Variants in TF observed in about 807,000 individuals in gnomAD.
TF encodes serotransferrin.
TF carries 55 observed loss-of-function variants against 82.4 expected under a neutral mutation model. That is an observed-to-expected ratio of 0.67 (90% CI 0.54 to 0.84). The LOEUF is 0.84. Among genes scored for constraint, TF ranks in the 40% least tolerant of loss-of-function variants. TF has a pLI of 0.00. For missense variants in TF, 737 were observed against 868.4 expected, an observed-to-expected ratio of 0.85 and a Z score of 1.90; for synonymous variants, 332 against 332.6, an observed-to-expected ratio of 1.00 and a Z score of 0.02.
chr3:133,721,907 T>C, the TF span, among the ~76,000 whole-genome samples: 1 of 152,162 alleles, frequency 6.6e-6, no homozygotes, highest in Non-Finnish European at 1.5e-5. Flanking sequence ...CGAGACAGGG[T>C]CTGGCTGTGT....
chr3:133,750,573 C>T (rs1463843394), intron 2 of TF, among the ~76,000 whole-genome samples: 1 of 152,048 alleles, frequency 6.6e-6, no homozygotes, highest in Non-Finnish European at 1.5e-5. Context: ...ATAATCCTGT[C>T]CCTCCCAGCT....
the TF span, among the ~76,000 whole-genome samples, chr3:133,729,518 A>C: frequency 6.6e-6 from 1 of 152,224 alleles, no homozygotes; most frequent in African/African-American, 2.4e-5. Context: ...GGAAAAGCGC[A>C]GTATTCGGGT....
intron 6 of TF, 115 bp downstream of exon 6, chr3:133,756,452 C>T: frequency 1.6e-6 from 2 of 1,231,916 alleles, no homozygotes; most frequent in South Asian, 2.6e-5. Flanking sequence ...TCTCCTTTAT[C>T]ATTGCCTGGG....
At chr3:133,728,387 T>G in the TF span, among the ~76,000 whole-genome samples, 88,729 of 151,448 alleles carry the variant, frequency 0.59, 26,539 homozygotes, top group East Asian at 0.76. Context: ...TTCCCTTCTC[T>G]CTTCATTTCA....
intron 13 of TF, among the ~76,000 whole-genome samples, chr3:133,769,978 C>T (rs777509074): frequency 1.3e-5 from 2 of 152,168 alleles, no homozygotes; most frequent in Non-Finnish European, 2.9e-5. Context: ...AGTCAGGTGC[C>T]TTTATGCCAT....
chr3:133,718,375 G>A, the TF span, among the ~76,000 whole-genome samples: 3 of 152,076 alleles, frequency 2.0e-5, no homozygotes, highest in African/African-American at 7.2e-5. Context: ...TCCCTCCTCT[G>A]TACCTGGACG....
chr3:133,726,940 T>G, the TF span, among the ~76,000 whole-genome samples: 1 of 152,188 alleles, frequency 6.6e-6, no homozygotes, highest in Non-Finnish European at 1.5e-5. Context: ...AGGAGCAGGT[T>G]GTTCAGTTTC....
chr3:133,718,429 G>C, the TF span, among the ~76,000 whole-genome samples: 2 of 152,098 alleles, frequency 1.3e-5, no homozygotes, highest in Non-Finnish European at 2.9e-5. Flanking sequence ...ATCTGTTGGA[G>C]GGATGCTGAG....
At chr3:133,724,507 G>GT in the TF span, among the ~76,000 whole-genome samples, 2 of 152,028 alleles carry the variant, frequency 1.3e-5, no homozygotes, top group East Asian at 1.9e-4. Flanking sequence ...GGGTTGTTTG[G>GT]TTTTTTCTTG....
chr3:133,703,071 C>A, the TF span, among the ~76,000 whole-genome samples: 1 of 152,150 alleles, frequency 6.6e-6, no homozygotes, highest in African/African-American at 2.4e-5. Context: ...ATGTTAGCCT[C>A]CATTTAACCA....
intron 14 of TF, among the ~76,000 whole-genome samples, chr3:133,771,546 G>A (rs1934257057): frequency 2.0e-5 from 3 of 151,582 alleles, no homozygotes; most frequent in African/African-American, 2.4e-5. Context: ...GACCATCCTG[G>A]CCAACAAGGT....
intron 13 of TF, 150 bp downstream of exon 13, chr3:133,768,314 G>A: frequency 9.0e-7 from 1 of 1,106,456 alleles, no homozygotes; most frequent in East Asian, 2.6e-5. Context: ...AGAGCCACAT[G>A]GGGAGGGGCA....
intron 14 of TF, chr3:133,774,582 G>T (rs1281002995): frequency 6.5e-6 from 1 of 152,718 alleles, no homozygotes; most frequent in Non-Finnish European, 1.5e-5. Context: ...ATGAGCCGTG[G>T]ATGGAAACTC....
At chr3:133,778,428 C>A in intron 16 of TF, 158 bp from the exon 17 acceptor site, 2 of 691,622 alleles carry the variant, frequency 2.9e-6, no homozygotes, top group Middle Eastern at 2.6e-4. Flanking sequence ...GCTGTGCAGG[C>A]AAGTAGAAAA....
the TF span, among the ~76,000 whole-genome samples, chr3:133,687,704 C>G: frequency 6.6e-6 from 1 of 152,168 alleles, no homozygotes; most frequent in African/African-American, 2.4e-5. Flanking sequence ...GTGTCTGGCT[C>G]CTTTCACTCA....
At chr3:133,767,379 C>A (rs867485369) in intron 12 of TF, among the ~76,000 whole-genome samples, 35 of 152,334 alleles carry the variant, frequency 2.3e-4, no homozygotes, top group Middle Eastern at 6.8e-3. Flanking sequence ...GAAAAGGCCT[C>A]TAAATCTGGT....
the TF span, among the ~76,000 whole-genome samples, chr3:133,736,581 T>C: frequency 2.1e-5 from 2 of 93,144 alleles, no homozygotes; most frequent in African/African-American, 4.3e-5. Context: ...AAGACACACA[T>C]AGGCTCAAAA....
intron 2 of TF, among the ~76,000 whole-genome samples, chr3:133,750,001 T>C (rs908194097): frequency 1.3e-5 from 2 of 152,170 alleles, no homozygotes; most frequent in African/African-American, 4.8e-5. Context: ...GACTCTATTC[T>C]CCCGCAGAGA....
the TF span, among the ~76,000 whole-genome samples, chr3:133,686,655 T>C: frequency 6.6e-6 from 1 of 152,140 alleles, no homozygotes; most frequent in East Asian, 1.9e-4. Flanking sequence ...TGAGATACCA[T>C]CTCACACCAG....
Sources: gnomAD v4.1 joint callset for allele counts (sites outside exome capture counted in the v4.1 genomes callset) on GRCh38, gnomAD v4.1.1 for gene constraint, MANE v1.5 for transcripts, NCBI Gene and HGNC (gene_info 2026-07-23, HGNC 2026-07-21) for gene names.